The following NUP210L variants were observed in gnomAD, a reference collection of about 807,000 sequenced individuals.
The protein encoded by NUP210L is nuclear pore membrane glycoprotein 210-like.
Under a neutral mutation model 208.5 loss-of-function variants are expected in NUP210L, and 74 were observed. The observed-to-expected ratio is 0.35, with a 90% CI of 0.29 to 0.43. NUP210L has a LOEUF of 0.43. NUP210L is among the 20% of genes least tolerant of loss of function. The pLI, the probability that NUP210L is intolerant of heterozygous loss-of-function variation, is 1.00. For missense variants in NUP210L, 1,843 were observed against 2,289.4 expected (o/e 0.81, Z 3.98); for synonymous variants, 780 against 816.9 (o/e 0.95, Z 0.77).
chr1:154,082,148 G>A lies in NUP210L; in HGVS notation c.2361+7273C>T, dbSNP rs183557556. 3.9e-5 allele frequency among the ~76,000 whole-genome samples: 6 copies of A among 152,222 alleles called. No homozygotes were observed. The East Asian group carries it at 7.7e-4, about 20-fold the overall frequency. ...GATTTTTCTCAAAAGGACACAAAAT[G>A]ATTTGTATCCTTTATAACGAAACTG... On this transcript the variant is annotated intron_variant, in intron 16 of 39. Transcript: ENST00000368559.
intron 10 of NUP210L, among the ~76,000 whole-genome samples, chr1:154,120,827 C>A (rs1375216962): frequency 2.2e-5 from 3 of 133,436 alleles, no homozygotes; most frequent in Non-Finnish European, 4.6e-5. Flanking sequence ...ACCCATGAGG[C>A]GGAGGTTGCA....
intron 16 of NUP210L, among the ~76,000 whole-genome samples, chr1:154,073,644 G>C (rs1003182803): frequency 1.3e-4 from 20 of 151,886 alleles, no homozygotes; most frequent in African/African-American, 4.6e-4. Context: ...GCGAAACCCT[G>C]TCTCTACTAA....
chr1:154,081,829 T>A (rs1206377315), intron 16 of NUP210L, among the ~76,000 whole-genome samples: 1 of 151,876 alleles, frequency 6.6e-6, no homozygotes, highest in Non-Finnish European at 1.5e-5. Flanking sequence ...AGAAAAATTT[T>A]AAAATTAGCT....
At chr1:154,153,163 A>T (rs1454443757) in intron 1 of NUP210L, among the ~76,000 whole-genome samples, 1 of 152,100 alleles carries the variant, frequency 6.6e-6, no homozygotes, top group Non-Finnish European at 1.5e-5. Context: ...TGTTTCTAGT[A>T]ATGAGAGGGG....
chr1:154,089,304 T>A, intron 16 of NUP210L, 117 bp downstream of exon 16: 1 of 817,760 alleles, frequency 1.2e-6, no homozygotes, highest in Non-Finnish European at 2.0e-6. Context: ...AAAATAGAAT[T>A]ACCATATGAT....
intron 20 of NUP210L, 96 bp from the exon 21 acceptor site, chr1:154,058,789 T>A: frequency 7.9e-7 from 1 of 1,262,088 alleles, no homozygotes; most frequent in Non-Finnish European, 1.1e-6. Flanking sequence ...AGAAAACATC[T>A]TGCTTTCTTT....
intron 13 of NUP210L, among the ~76,000 whole-genome samples, chr1:154,102,813 T>C (rs1656535746): frequency 6.6e-6 from 1 of 152,182 alleles, no homozygotes; most frequent in South Asian, 2.1e-4. Context: ...ATAAATTGAA[T>C]GTATGCATAT....
At chr1:154,023,283 T>C (rs1651672016) in exon 31 of NUP210L, 3 of 1,609,688 alleles carry the variant, frequency 1.9e-6, no homozygotes, top group Non-Finnish European at 2.5e-6. Context: ...CTCGCAGGTA[T>C]GTCACCGGTG....
At chr1:154,018,566 C>G (rs1269246112) in intron 33 of NUP210L, among the ~76,000 whole-genome samples, 1 of 152,136 alleles carries the variant, frequency 6.6e-6, no homozygotes, top group Non-Finnish European at 1.5e-5. Context: ...TCTATTGGCT[C>G]TACCTATAAA....
chr1:154,072,578 C>T lies in NUP210L; in HGVS notation c.2362-2113G>A, dbSNP rs1003973339. Among the ~76,000 whole-genome samples, 53 of 152,000 alleles carry T rather than the reference C, an allele frequency of 3.5e-4. 1 individual carries two copies. Among genetic ancestry groups the T allele is most frequent in the African/African-American group, 1.2e-3 (51 of 41,384 alleles). On this transcript the variant is annotated intron_variant, in intron 16 of 39. Coordinates refer to ENST00000368559, the Ensembl canonical transcript of NUP210L. ...TGATCTCCTGACCTCATGATCCGCC[C>T]GCCTTGACCTCCCAAAGTGTTGGGA...
intron 16 of NUP210L, among the ~76,000 whole-genome samples, chr1:154,088,281 A>G (rs1013320421): frequency 6.6e-6 from 1 of 151,782 alleles, no homozygotes; most frequent in African/African-American, 2.4e-5. Context: ...GAGGTGGCAG[A>G]TGGTGCCATG....
At chr1:154,119,669 T>C (rs1657511024) in intron 10 of NUP210L, among the ~76,000 whole-genome samples, 1 of 152,138 alleles carries the variant, frequency 6.6e-6, no homozygotes, top group Non-Finnish European at 1.5e-5. Flanking sequence ...GACTTGAGTA[T>C]GCGTGGATTT....
At position 154,127,266 on chromosome 1, in the gene NUP210L, C is replaced by T; in HGVS notation, c.1185+45G>A. On this transcript the variant is annotated intron_variant, in intron 9 of 39. Transcript: ENST00000368559. ...ATGGTCCACTTTACATCTTATGTAT[C>T]TTATCCCTACAAGGAGCTCAGAAAA... The T allele has an allele frequency of 3.3e-6, 3 of 914,810 alleles. No homozygotes were observed. The South Asian group carries it at 4.6e-5, about 14-fold the overall frequency. The allele number at this position is 914,810 out of a possible 1,614,324, so 56.7% of individuals were successfully genotyped here. A position where few individuals can be genotyped will look rare whatever the true frequency, so the allele number is the denominator to read the frequency against.
chr1:154,075,435 C>T (rs896352819), intron 16 of NUP210L, among the ~76,000 whole-genome samples: 2 of 151,834 alleles, frequency 1.3e-5, no homozygotes, highest in East Asian at 3.9e-4. Context: ...AATTAAAATA[C>T]CAGGAACACA....
At chr1:154,024,457 AT>A (rs1651741628) in intron 30 of NUP210L, among the ~76,000 whole-genome samples, 1 of 151,872 alleles carries the variant, frequency 6.6e-6, no homozygotes, top group Admixed American at 6.6e-5. Flanking sequence ...AATGTCTAAA[AT>A]TTTTTTTCGT....
At position 154,155,086 on chromosome 1, in the gene NUP210L, C is replaced by G. The variant is rs1453392516; in HGVS notation, c.-42G>C. On this transcript the variant is annotated 5_prime_UTR_variant, in exon 1 of 40. Transcript: ENST00000368559. ...CGGGTTCCCGCTCAACTACAGCCGG[C>G]TCACAGCTCCATCAGCCAATCCACA... The G allele has an allele frequency of 4.2e-6, 6 of 1,431,772 alleles. No individual in the cohort carries two copies. Among genetic ancestry groups the G allele is most frequent in the South Asian group, 1.2e-5 (1 of 82,816 alleles). 88.7% of individuals were successfully genotyped at this position (1,431,772 alleles called of 1,614,324 possible).
chr1:154,057,616 G>A (rs1191003900), intron 22 of NUP210L, among the ~76,000 whole-genome samples: 1 of 151,168 alleles, frequency 6.6e-6, no homozygotes, highest in African/African-American at 2.4e-5. Flanking sequence ...TATCATCCAA[G>A]GAGAGGTTTC....
At chr1:154,105,602 C>A (rs1172586332) in intron 12 of NUP210L, among the ~76,000 whole-genome samples, 1 of 152,196 alleles carries the variant, frequency 6.6e-6, no homozygotes, top group African/African-American at 2.4e-5. Context: ...TCAGTACATT[C>A]CCAGCTGTGA....
chr1:154,025,807 A>G (rs1651846115), intron 29 of NUP210L, 91 bp from the exon 30 acceptor site: 1 of 1,129,742 alleles, frequency 8.9e-7, no homozygotes, highest in Admixed American at 2.2e-5. Flanking sequence ...CTGTTAGGGG[A>G]TGTACTCGAG....
Sources: allele counts gnomAD v4.1 joint callset (sites outside exome capture counted in the v4.1 genomes callset), GRCh38; gene constraint gnomAD v4.1.1; transcripts MANE v1.5; gene names NCBI Gene and HGNC (gene_info 2026-07-23, HGNC 2026-07-21).